Variants in RASAL2 observed in about 807,000 individuals in gnomAD.
RASAL2 encodes the protein ras GTPase-activating protein nGAP.
RASAL2 carries 58 observed loss-of-function variants against 128.9 expected under a neutral mutation model. The ratio of observed to expected loss-of-function variants is 0.45; its 90% CI spans 0.36 to 0.56. RASAL2 has a LOEUF of 0.56. Ranked by LOEUF, RASAL2 falls within the 20% of genes least tolerant of loss-of-function variation. The probability of loss-of-function intolerance (pLI) is 0.00; values close to 1 mark genes in which losing one functional copy is unlikely to be tolerated. For missense variants in RASAL2, 1,360 were observed against 1,601.6 expected (o/e 0.85, Z 2.57); for synonymous variants, 561 against 580.8 (o/e 0.97, Z 0.49).
intron 1 of RASAL2, among the ~76,000 whole-genome samples, chr1:178,277,375 C>T (rs778788329): frequency 2.2e-4 from 33 of 152,050 alleles, no homozygotes; most frequent in Non-Finnish European, 2.2e-4. Flanking sequence ...ACCAGGCTAG[C>T]CTCAAACTTC....
chr1:178,449,950 A>G (rs1233632018), intron 9 of RASAL2, among the ~76,000 whole-genome samples: 2 of 152,138 alleles, frequency 1.3e-5, no homozygotes, highest in African/African-American at 4.8e-5. Flanking sequence ...TATTTAGGAT[A>G]CAGGTGTAGA....
Position 178,445,680 on chromosome 1 carries a change from A to T in RASAL2, c.1627+18A>T. On this transcript the variant is annotated intron_variant, in intron 9 of 17. Transcript: ENST00000367649. ...CGCACTGGGTATGAAAGAGAAAAAC[A>T]TCTATTTTCTTTTATTTACTTTTCA... 1 of 1,589,922 alleles carries T rather than the reference A, an allele frequency of 6.3e-7. No individual in the cohort carries two copies. Among genetic ancestry groups the T allele is most frequent in the Non-Finnish European group, 8.6e-7 (1 of 1,169,040 alleles).
At position 178,457,754 on chromosome 1, in the gene RASAL2, T is replaced by C. The variant is rs759469792; in HGVS notation, c.2462T>C (p.Leu821Pro). Residue 821 changes from leucine (L) to proline (P), a missense_variant, in exon 14 of 18, where the codon CTG becomes CCG. By Grantham distance (98) the Leu-to-Pro change is moderately conservative. This residue lies in a region of RASAL2 where 741 missense variants were observed against 868.6 expected (regional missense o/e 0.85). Transcript: ENST00000367649. ...DSYFRGKTLL[L>P]VQQASSQSMT... ...TACTTCAGAGGGAAAACATTATTGC[T>C]GGTTCAGCAAGCCTCCTCTCAGAGC... 1.2e-6 allele frequency: 2 copies of C among 1,614,192 alleles called. No homozygotes were observed. Among genetic ancestry groups the C allele is most frequent in the South Asian group, 1.1e-5 (1 of 91,086 alleles).
rs1382912578 is a variant in RASAL2, at chr1:178,466,061, G to A, written c.3529G>A (p.Glu1177Lys). The change falls in exon 16 of 18, where the codon GAG becomes AAG. Residue 1177 changes from glutamate to lysine, a missense_variant. Physicochemically the swap from Glu to Lys is moderately conservative, Grantham distance 56. This residue lies in a region of RASAL2 where 741 missense variants were observed against 868.6 expected (regional missense o/e 0.85). Transcript: ENST00000367649. ...ATACAAGGCCCGACTGGAGGACAGC[G>A]AGGAGCGGCTCCGAAGACAGCAGGA... ...LEYKARLEDSEERLRRQQEEK... is the reference protein window; with the variant it reads ...LEYKARLEDSKERLRRQQEEK... The A allele has an allele frequency of 5.1e-6, 8 of 1,583,122 alleles. No homozygotes were observed. The highest frequency in any genetic ancestry group is 2.3e-5 in the South Asian group (2 of 86,522).
chr1:178,467,968 G>A (rs573782388), intron 17 of RASAL2, among the ~76,000 whole-genome samples: 1 of 152,178 alleles, frequency 6.6e-6, no homozygotes, highest in African/African-American at 2.4e-5. Context: ...TTGGTGCTGT[G>A]CTTAGAGAGC....
chr1:178,218,404 C>T (rs181652649), intron 1 of RASAL2, among the ~76,000 whole-genome samples: 18 of 151,902 alleles, frequency 1.2e-4, no homozygotes, highest in Admixed American at 1.1e-3. Context: ...AGTCAGTATG[C>T]GGCCAGGTGC....
intron 1 of RASAL2, among the ~76,000 whole-genome samples, chr1:178,161,092 A>AT (rs1169347646): frequency 2.5e-5 from 3 of 121,652 alleles, no homozygotes; most frequent in South Asian, 3.2e-4. Context: ...TTTCTAACAC[A>AT]TTTTTTTCCC....
At chr1:178,411,830 C>A in intron 4 of RASAL2, 1 of 763,926 alleles carries the variant, frequency 1.3e-6, no homozygotes, top group Non-Finnish European at 2.4e-6. Flanking sequence ...CCAGGTATCA[C>A]TGCCCTACAC....
intron 1 of RASAL2, among the ~76,000 whole-genome samples, chr1:178,272,241 C>T (rs926964041): frequency 6.6e-6 from 1 of 151,966 alleles, no homozygotes; most frequent in Non-Finnish European, 1.5e-5. Flanking sequence ...ACTCATTGAA[C>T]TTAAAAATAA....
chr1:178,341,638 T>C, intron 3 of RASAL2: 5 of 1,613,760 alleles, frequency 3.1e-6, no homozygotes, highest in South Asian at 1.1e-5. Flanking sequence ...GAGACCGAAA[T>C]GAAAAGTCAC....
In RASAL2 at chr1:178,192,464, CTG is replaced by C. The variant is rs556000781; in HGVS notation, c.203-91096_203-91095del. On this transcript the variant is annotated intron_variant, in intron 1 of 17. Transcript: ENST00000367649. ...TTCAAATACAGAATGCTTTTCAAAT[CTG>C]TGTTTCTTCTGAGGCAGTCTATGGA... 3.3e-5 allele frequency among the ~76,000 whole-genome samples: 5 copies of C among 152,282 alleles called. No homozygotes were observed. The East Asian group carries it at 9.6e-4, about 29-fold the overall frequency.
rs993642772 is a variant in RASAL2, at chr1:178,258,293, C to CAAA, written c.203-25255_203-25253dup. Among the ~76,000 whole-genome samples, 87 of 69,364 alleles carry CAAA rather than the reference C, an allele frequency of 1.3e-3. 2 individuals are homozygous for CAAA. In the Middle Eastern group the frequency reaches 0.025, roughly 20 times the overall value. 45.5% of individuals were successfully genotyped at this position (69,364 alleles called of 152,430 possible). The stretch of plus-strand genomic sequence containing the variant: ...TGGGCAACAGAGCAAGACTGCATCT[C>CAAA]AAAAAAAAAAAAAAAAAAGACGACA... On this transcript the variant is annotated intron_variant, in intron 1 of 17. Coordinates refer to ENST00000367649, the MANE Select transcript of RASAL2 (RefSeq NM_170692.4).
At chr1:178,265,458 G>T (rs1039951880) in intron 1 of RASAL2, among the ~76,000 whole-genome samples, 1 of 152,104 alleles carries the variant, frequency 6.6e-6, no homozygotes, top group Non-Finnish European at 1.5e-5. Flanking sequence ...ATTATTGTAT[G>T]CCAGTATGTG....
intron 1 of RASAL2, among the ~76,000 whole-genome samples, chr1:178,118,271 C>T (rs796826503): frequency 3.3e-5 from 5 of 151,948 alleles, no homozygotes; most frequent in Non-Finnish European, 7.4e-5. Context: ...CTCCCCTCCA[C>T]GGATGGGGAG....
intron 9 of RASAL2, among the ~76,000 whole-genome samples, chr1:178,447,270 T>C (rs1206050665): frequency 1.3e-5 from 2 of 151,680 alleles, no homozygotes; most frequent in Non-Finnish European, 2.9e-5. Context: ...AGCAGTGAGC[T>C]ATGGTCACAT....
chr1:178,214,482 A>G (rs1229995331), intron 1 of RASAL2, among the ~76,000 whole-genome samples: 1 of 152,194 alleles, frequency 6.6e-6, no homozygotes, highest in Non-Finnish European at 1.5e-5. Context: ...CCTTTTGGGC[A>G]GTCAAGTATG....
intron 1 of RASAL2, among the ~76,000 whole-genome samples, chr1:178,198,574 A>G (rs980461245): frequency 6.6e-6 from 1 of 152,004 alleles, no homozygotes; most frequent in Admixed American, 6.6e-5. Context: ...GGTCTGTTGG[A>G]GTTTGCTGGA....
intron 3 of RASAL2, among the ~76,000 whole-genome samples, chr1:178,337,436 A>G (rs1328913168): frequency 6.6e-6 from 1 of 152,212 alleles, no homozygotes; most frequent in Admixed American, 6.5e-5. Flanking sequence ...TTCTTTTTAA[A>G]TATGAACTCT....
chr1:178,388,556 G>A (rs1427837837), intron 3 of RASAL2, among the ~76,000 whole-genome samples: 2 of 152,200 alleles, frequency 1.3e-5, no homozygotes, highest in Non-Finnish European at 2.9e-5. Flanking sequence ...AAGATGCTAT[G>A]TTGTCAGCCT....
Sources: gnomAD v4.1 joint callset for allele counts (sites outside exome capture counted in the v4.1 genomes callset) on GRCh38, gnomAD v4.1.1 for gene constraint, gnomAD v4.1.1 regional missense constraint, MANE v1.5 for transcripts, NCBI Gene and HGNC (gene_info 2026-07-23, HGNC 2026-07-21) for gene names.